Variants in MTNR1B observed in about 807,000 individuals in gnomAD.
MTNR1B encodes melatonin receptor 1B, also known as melatonin receptor type 1B.
Under a neutral mutation model 7.0 loss-of-function variants are expected in MTNR1B, and 7 were observed. The ratio of observed to expected loss-of-function variants is 1.00; its 90% CI spans 0.57 to 1.88. The LOEUF is 1.88. Among genes scored for constraint, MTNR1B ranks in the 40% most tolerant of loss-of-function variants. The pLI is 0.00. For synonymous variants in MTNR1B, 226 were observed against 208.2 expected, an observed-to-expected ratio of 1.09 and a Z score of -0.74; for missense variants, 478 against 486.5, an observed-to-expected ratio of 0.98 and a Z score of 0.16.
intron 1 of MTNR1B, among the ~76,000 whole-genome samples, chr11:92,976,804 CTCT>C (rs1481450405): frequency 6.6e-6 from 1 of 152,198 alleles, no homozygotes; most frequent in East Asian, 1.9e-4. Context: ...TGGTTTTCTC[CTCT>C]TCTTGTTCTT....
At chr11:92,980,885 C>A (rs778628291) in intron 1 of MTNR1B, among the ~76,000 whole-genome samples, 7 of 152,226 alleles carry the variant, frequency 4.6e-5, no homozygotes, top group African/African-American at 7.2e-5. Flanking sequence ...TTCTTCTAGT[C>A]CAGCTGCAAA....
In MTNR1B at chr11:92,982,256, C is replaced by G; in HGVS notation, c.1033C>G (p.Leu345Val). The G allele has an allele frequency of 1.2e-6, 2 of 1,614,202 alleles. No individual in the cohort carries two copies. The highest frequency in any genetic ancestry group is 1.7e-6 in the Non-Finnish European group (2 of 1,180,032). ...DASKGSHAEGLQSPAPPIIGV... is the reference protein window; with the variant it reads ...DASKGSHAEGVQSPAPPIIGV... ...TTCCAAGGGCAGCCACGCGGAGGGGCTGCAGAGCCCAGCTCCACCCATCAT... is the reference window on the plus strand; with the variant it reads ...TTCCAAGGGCAGCCACGCGGAGGGGGTGCAGAGCCCAGCTCCACCCATCAT... Residue 345 changes from leucine (L) to valine (V), a missense_variant, in exon 2 of 2, where the codon CTG becomes GTG. Transcript: ENST00000257068.
In MTNR1B at chr11:92,982,277, A is replaced by C. The variant is rs1250396184; in HGVS notation, c.1054A>C (p.Ile352Leu). 1 of 1,613,918 alleles carries C rather than the reference A, an allele frequency of 6.2e-7. No individual in the cohort carries two copies. The highest frequency in any genetic ancestry group is 1.1e-5 in the South Asian group (1 of 91,064). Reference sequence around the variant, plus strand: ...GGGGCTGCAGAGCCCAGCTCCACCCATCATTGGTGTGCAGCACCAGGCAGA... The same window carrying C: ...GGGGCTGCAGAGCCCAGCTCCACCCCTCATTGGTGTGCAGCACCAGGCAGA... ...AEGLQSPAPP[I>L]IGVQHQADAL The change falls in exon 2 of 2, where the codon ATC becomes CTC. Residue 352 changes from isoleucine (I) to leucine (L), a missense_variant. Coordinates refer to ENST00000257068, the MANE Select transcript of MTNR1B (RefSeq NM_005959.5).
chr11:92,981,773 G>C lies in MTNR1B; in HGVS notation c.550G>C (p.Asp184His). The C allele has an allele frequency of 1.2e-6, 2 of 1,614,154 alleles. No individual in the cohort carries two copies. The highest frequency in any genetic ancestry group is 1.7e-6 in the Non-Finnish European group (2 of 1,180,042). ...PNFFVGSLEY[D>H]PRIYSCTFIQ... ...CTTCTTTGTGGGGTCCCTGGAGTAC[G>C]ACCCACGCATCTATTCCTGCACCTT... The change falls in exon 2 of 2, where the codon GAC becomes CAC. Residue 184 changes from aspartate to histidine, a missense_variant. By Grantham distance (81) the Asp-to-His change is moderately conservative. Transcript: ENST00000257068.
chr11:92,977,321 CT>C (rs1188300477), intron 1 of MTNR1B, among the ~76,000 whole-genome samples: 1 of 152,172 alleles, frequency 6.6e-6, no homozygotes, highest in Non-Finnish European at 1.5e-5. Flanking sequence ...ATTTGGGAAT[CT>C]AATTACAAGC....
In MTNR1B at chr11:92,981,686, TG is replaced by T; in HGVS notation, c.465del (p.Trp155CysfsTer88). The T allele has an allele frequency of 1.2e-6, 2 of 1,614,234 alleles. No homozygotes were observed. The highest frequency in any genetic ancestry group is 2.2e-5 in the South Asian group (2 of 91,088). On this transcript the variant is annotated frameshift_variant, in exon 2 of 2. Transcript: ENST00000257068. LOFTEE classifies it low-confidence loss of function (END_TRUNC). ...SMAYHRIYRR[W>X]HTPLHICLIW... is the part of the protein sequence containing the mutation. ...GGCCTACCACCGAATCTACCGGCGC[TG>T]GCACACCCCTCTGCACATCTGCCTC...
At position 92,982,380 on chromosome 11, in the gene MTNR1B, G is replaced by A. The variant is rs1230773689; in HGVS notation, c.*68G>A. The A allele has an allele frequency of 1.6e-5, 24 of 1,523,684 alleles. No individual in the cohort carries two copies. Among genetic ancestry groups the A allele is most frequent in the African/African-American group, 2.8e-5 (2 of 72,308 alleles). The allele number at this position is 1,523,684 out of a possible 1,614,324, so 94.4% of individuals were successfully genotyped here. A position where few individuals can be genotyped will look rare whatever the true frequency, so the allele number is the denominator to read the frequency against. ...TGGTGGGAGAGAGTCTGCTGCAAGG[G>A]TGAGACCAGGCAGCCTGCTGGGCCA... On this transcript the variant is annotated 3_prime_UTR_variant, in exon 2 of 2. Transcript: ENST00000257068.
At chr11:92,979,580 T>C (rs1858064699) in intron 1 of MTNR1B, among the ~76,000 whole-genome samples, 1 of 152,226 alleles carries the variant, frequency 6.6e-6, no homozygotes, top group Admixed American at 6.5e-5. Flanking sequence ...TGGACAATCT[T>C]GAGACAGGGA....
intron 1 of MTNR1B, among the ~76,000 whole-genome samples, chr11:92,978,250 A>T (rs1044328967): frequency 6.6e-6 from 1 of 152,192 alleles, no homozygotes; most frequent in Non-Finnish European, 1.5e-5. Flanking sequence ...AGATTACCAG[A>T]TCTCCATTAA....
chr11:92,975,253 T>C (rs1051330885), intron 1 of MTNR1B, among the ~76,000 whole-genome samples: 6 of 152,214 alleles, frequency 3.9e-5, no homozygotes, highest in Non-Finnish European at 7.3e-5. Flanking sequence ...ACAGCCACCT[T>C]AATTTTCCAA....
downstream of MTNR1B, among the ~76,000 whole-genome samples, chr11:92,983,368 C>T (rs536682403): frequency 3.1e-4 from 47 of 152,226 alleles, no homozygotes; most frequent in African/African-American, 1.1e-3. Context: ...CAAAAATTAG[C>T]TGGGCATGGT....
chr11:92,976,465 T>G (rs948940781), intron 1 of MTNR1B, among the ~76,000 whole-genome samples: 1 of 152,202 alleles, frequency 6.6e-6, no homozygotes, highest in Non-Finnish European at 1.5e-5. Context: ...TAGCTAATAT[T>G]ACTAGTGCTT....
At chr11:92,978,306 G>A (rs1267861103) in intron 1 of MTNR1B, among the ~76,000 whole-genome samples, 1 of 152,210 alleles carries the variant, frequency 6.6e-6, no homozygotes, top group Non-Finnish European at 1.5e-5. Flanking sequence ...GAAGAGGGAG[G>A]AGACTGTGAT....
downstream of MTNR1B, among the ~76,000 whole-genome samples, chr11:92,984,516 G>C (rs1448633528): frequency 6.6e-6 from 1 of 152,100 alleles, no homozygotes; most frequent in Non-Finnish European, 1.5e-5. Context: ...ACCTGGTCAG[G>C]CATGTATTGT....
At chr11:92,978,233 C>T (rs917940358) in intron 1 of MTNR1B, among the ~76,000 whole-genome samples, 1 of 152,186 alleles carries the variant, frequency 6.6e-6, no homozygotes, top group Non-Finnish European at 1.5e-5. Context: ...CTGGCTGGCT[C>T]TTTCCTAGAT....
At position 92,981,568 on chromosome 11, in the gene MTNR1B, C is replaced by T. The variant is rs769808343; in HGVS notation, c.345C>T (p.Ala115=). The change falls in exon 2 of 2, where the codon GCC becomes GCT. Residue 115 remains alanine (A), a synonymous_variant. Coordinates refer to ENST00000257068, the MANE Select transcript of MTNR1B (RefSeq NM_005959.5). ...CCCTGGGGGAGGAGCACTGCAAGGCCAGCGCCTTTGTGATGGGCCTGAGCG... is the reference window on the plus strand; with the variant it reads ...CCCTGGGGGAGGAGCACTGCAAGGCTAGCGCCTTTGTGATGGGCCTGAGCG... ...GWALGEEHCK[A]SAFVMGLSVI... is the part of the protein sequence containing the mutation. The T allele has an allele frequency of 3.7e-6, 6 of 1,614,032 alleles. No homozygotes were observed. Among genetic ancestry groups the T allele is most frequent in the Non-Finnish European group, 5.1e-6 (6 of 1,180,050 alleles).
chr11:92,978,437 T>C (rs1383127964), intron 1 of MTNR1B, among the ~76,000 whole-genome samples: 1 of 152,142 alleles, frequency 6.6e-6, no homozygotes, highest in East Asian at 1.9e-4. Flanking sequence ...TGGAGGCAGA[T>C]GGAAACGAGT....
chr11:92,980,272 C>G (rs1468149810), intron 1 of MTNR1B, among the ~76,000 whole-genome samples: 1 of 152,176 alleles, frequency 6.6e-6, no homozygotes, highest in Non-Finnish European at 1.5e-5. Context: ...AATACCATGC[C>G]CAGTGCACAT....
downstream of MTNR1B, among the ~76,000 whole-genome samples, chr11:92,982,947 C>CCCCCCCACACA (rs749633184): frequency 1.5e-5 from 1 of 66,322 alleles, no homozygotes; most frequent in African/African-American, 6.4e-5. Context: ...CCCCCCCCCC[C>CCCCCCCACACA]CACACACACA....
Sources: gnomAD v4.1 joint callset for allele counts (sites outside exome capture counted in the v4.1 genomes callset) on GRCh38, gnomAD v4.1.1 for gene constraint, MANE v1.5 for transcripts, NCBI Gene and HGNC (gene_info 2026-07-23, HGNC 2026-07-21) for gene names.